The following PTPRJ variants were observed in gnomAD, a reference collection of about 807,000 sequenced individuals.
PTPRJ encodes receptor-type tyrosine-protein phosphatase eta.
A neutral mutation model predicts 141.3 loss-of-function variants in PTPRJ; 129 were observed. The observed-to-expected ratio is 0.91, with a 90% CI of 0.79 to 1.06. The LOEUF is 1.06. Ranked by LOEUF, PTPRJ falls within the 50% of genes least tolerant of loss-of-function variation. PTPRJ has a pLI of 0.00. For synonymous variants in PTPRJ, 610 were observed against 640.5 expected, an observed-to-expected ratio of 0.95 and a Z score of 0.72; for missense variants, 1,601 against 1,679.7, an observed-to-expected ratio of 0.95 and a Z score of 0.82.
chr11:47,986,164 G>A (rs1484203234), intron 1 of PTPRJ, among the ~76,000 whole-genome samples: 1 of 152,124 alleles, frequency 6.6e-6, no homozygotes, highest in Non-Finnish European at 1.5e-5. Flanking sequence ...TGCTCCATTT[G>A]TAACACAGAG....
In PTPRJ at chr11:48,123,763, A is replaced by G. The variant is rs542249267; in HGVS notation, c.767A>G (p.Gln256Arg). 1.1e-5 allele frequency: 18 copies of G among 1,614,138 alleles called. No homozygotes were observed. In the Admixed American group the frequency reaches 3.0e-4, roughly 27 times the overall value. The change falls in exon 5 of 25, where the codon CAG (glutamine) becomes CGG (arginine). Residue 256 changes from glutamine (Q) to arginine (R), a missense_variant. Coordinates refer to ENST00000418331, the MANE Select transcript of PTPRJ (RefSeq NM_002843.4). ...HEELTQDSRL[Q>R]VNISGLKPGV... The stretch of plus-strand genomic sequence containing the variant: ...GAGTTGACTCAAGACTCAAGACTTC[A>G]GGTCAATATCTCGGGCCTGAAGCCA...
chr11:48,054,021 C>T (rs1316127792), intron 1 of PTPRJ, among the ~76,000 whole-genome samples: 1 of 147,950 alleles, frequency 6.8e-6, no homozygotes, highest in Non-Finnish European at 1.5e-5. Flanking sequence ...CAGCCTCTGC[C>T]TTCTAGGTTC....
intron 16 of PTPRJ, 32 bp from the exon 17 acceptor site, chr11:48,149,958 G>A: frequency 1.4e-6 from 2 of 1,414,992 alleles, no homozygotes; most frequent in South Asian, 2.4e-5. Context: ...CTTTCTAATT[G>A]CATATTTTTT....
intron 21 of PTPRJ, among the ~76,000 whole-genome samples, chr11:48,157,242 C>CT (rs1857635096): frequency 6.6e-6 from 1 of 152,196 alleles, no homozygotes; most frequent in African/African-American, 2.4e-5. Context: ...CTGCCTTGGC[C>CT]TCCCAAAGTG....
rs532571542 is a variant in PTPRJ at position 48,052,710 on chromosome 11, A to G, written c.97-57348A>G. 2.6e-5 allele frequency among the ~76,000 whole-genome samples: 4 copies of G among 152,266 alleles called. No homozygotes were observed. In the South Asian group the frequency reaches 6.2e-4, roughly 24 times the overall value. ...CAGAGAAGAGCTTGGGGGAGTGTCAAGCTTATTTGCCCAAAAGGGCTGACC... is the reference window on the plus strand; with the variant it reads ...CAGAGAAGAGCTTGGGGGAGTGTCAGGCTTATTTGCCCAAAAGGGCTGACC... On this transcript the variant is annotated intron_variant, in intron 1 of 24. Coordinates refer to ENST00000418331, the MANE Select transcript of PTPRJ (RefSeq NM_002843.4).
intron 1 of PTPRJ, among the ~76,000 whole-genome samples, chr11:48,003,192 A>T (rs75906516): frequency 0.018 from 2,774 of 152,322 alleles, 52 homozygotes; most frequent in Admixed American, 0.059. Context: ...CATGAAATGG[A>T]TGTACTATAA....
At chr11:48,040,612 CTTT>C (rs398055231) in intron 1 of PTPRJ, among the ~76,000 whole-genome samples, 10 of 135,388 alleles carry the variant, frequency 7.4e-5, no homozygotes, top group Admixed American at 1.5e-4. Flanking sequence ...TCTTCTTCTT[CTTT>C]TTTTTTTTTT....
intron 1 of PTPRJ, among the ~76,000 whole-genome samples, chr11:48,105,310 A>G (rs1856260378): frequency 6.6e-6 from 1 of 151,978 alleles, no homozygotes; most frequent in Non-Finnish European, 1.5e-5. Context: ...CACCCTCTGC[A>G]TCTTTGGCAC....
chr11:48,059,476 G>A (rs1476513850), intron 1 of PTPRJ, among the ~76,000 whole-genome samples: 1 of 152,156 alleles, frequency 6.6e-6, no homozygotes, highest in East Asian at 1.9e-4. Flanking sequence ...GCCCCTCCCT[G>A]AATTAGAATG....
intron 1 of PTPRJ, among the ~76,000 whole-genome samples, chr11:48,023,295 C>T (rs1470264676): frequency 6.6e-6 from 1 of 152,158 alleles, no homozygotes; most frequent in Admixed American, 6.6e-5. Context: ...ACCTCTTCCT[C>T]CTCTTGTCTT....
intron 1 of PTPRJ, among the ~76,000 whole-genome samples, chr11:48,080,700 T>G (rs1330013808): frequency 6.6e-6 from 1 of 152,190 alleles, no homozygotes; most frequent in Non-Finnish European, 1.5e-5. Context: ...AGGGAATGAT[T>G]GTTCTTGGCC....
rs1409836984 is a variant in PTPRJ at position 48,126,805 on chromosome 11, C to T, written c.1094-975C>T. On this transcript the variant is annotated intron_variant, in intron 6 of 24. Transcript: ENST00000418331. Reference sequence around the variant, plus strand: ...ACACACACACACACACACACACACACACACACACACACACAGATAAACACA... The same window carrying T: ...ACACACACACACACACACACACACATACACACACACACACAGATAAACACA... Among the ~76,000 whole-genome samples the T allele has an allele frequency of 8.1e-3, 1,151 of 141,446 alleles. 18 individuals are homozygous for T. Among genetic ancestry groups the T allele is most frequent in the African/African-American group, 0.03 (1,059 of 35,062 alleles). The allele number at this position is 141,446 out of a possible 152,430, so 92.8% of individuals were successfully genotyped here.
At chr11:47,989,612 TAA>T (rs978473861) in intron 1 of PTPRJ, among the ~76,000 whole-genome samples, 1 of 146,356 alleles carries the variant, frequency 6.8e-6, no homozygotes, top group African/African-American at 2.5e-5. Context: ...CCCTGTTCAT[TAA>T]AAAAAAAAAA....
chr11:48,035,642 C>G (rs1042250808), intron 1 of PTPRJ, among the ~76,000 whole-genome samples: 1 of 126,216 alleles, frequency 7.9e-6, no homozygotes, highest in African/African-American at 3.0e-5. Context: ...AGAAAATGTT[C>G]TATGTAAATG....
Position 48,125,197 on chromosome 11 carries a change from C to G in PTPRJ, c.1093+11C>G, listed in dbSNP as rs1369119365. The G allele has an allele frequency of 6.2e-7, 1 of 1,612,510 alleles. No individual in the cohort carries two copies. The highest frequency in any genetic ancestry group is 8.5e-7 in the Non-Finnish European group (1 of 1,178,708). On this transcript the variant is annotated intron_variant, in intron 6 of 24. Transcript: ENST00000418331. ...TAGAGTTCAGGACAAGTAGGTTGAA[C>G]TTTGTAAAATGGTGGCAGCCAGAGT...
intron 1 of PTPRJ, among the ~76,000 whole-genome samples, chr11:47,996,356 A>AGAGGAACT (rs913082188): frequency 2.0e-5 from 3 of 150,702 alleles, no homozygotes; most frequent in Admixed American, 6.6e-5. Flanking sequence ...AAAAAAAAAA[A>AGAGGAACT]GAGGAACTTG....
chr11:47,999,863 C>CTTTTTTTTT (rs1209647054), intron 1 of PTPRJ, among the ~76,000 whole-genome samples: 2,865 of 136,244 alleles, frequency 0.021, 286 homozygotes, highest in African/African-American at 0.079. Context: ...CGAGATTCTT[C>CTTTTTTTTT]TTTTTTTTTT....
At position 48,123,657 on chromosome 11, in the gene PTPRJ, A is replaced by G; in HGVS notation, c.661A>G (p.Arg221Gly). Reference protein sequence around the residue: ...SDLRVALTGVRKAALSWSNGN... With the variant: ...SDLRVALTGVGKAALSWSNGN... ...TCTCCGTGTTGCCCTCACGGGTGTGAGGAAGGCTGCTCTCTCCTGGAGCAA... is the reference window on the plus strand; with the variant it reads ...TCTCCGTGTTGCCCTCACGGGTGTGGGGAAGGCTGCTCTCTCCTGGAGCAA... Residue 221 changes from arginine (R) to glycine (G), a missense_variant, in exon 5 of 25, where the codon AGG (arginine) becomes GGG (glycine). Arg to Gly is a moderately radical substitution (Grantham distance 125). Coordinates refer to ENST00000418331, the MANE Select transcript of PTPRJ (RefSeq NM_002843.4). 1 of 1,614,166 alleles carries G rather than the reference A, an allele frequency of 6.2e-7. No individual in the cohort carries two copies. Among genetic ancestry groups the G allele is most frequent in the Non-Finnish European group, 8.5e-7 (1 of 1,179,994 alleles).
chr11:48,150,451 C>T (rs946052096), intron 18 of PTPRJ, among the ~76,000 whole-genome samples: 7 of 152,226 alleles, frequency 4.6e-5, no homozygotes, highest in African/African-American at 1.7e-4. Context: ...GCTCCAAACC[C>T]TTTGCGTCAT....
Sources: gnomAD v4.1 joint callset for allele counts (sites outside exome capture counted in the v4.1 genomes callset) on GRCh38, gnomAD v4.1.1 for gene constraint, MANE v1.5 for transcripts, NCBI Gene and HGNC (gene_info 2026-07-23, HGNC 2026-07-21) for gene names.